Variants in RBM6 observed in about 807,000 individuals in gnomAD.
The protein encoded by RBM6 is RNA binding motif protein 6.
RBM6 carries 23 observed loss-of-function variants against 140.4 expected under a neutral mutation model. The observed-to-expected ratio is 0.16, with a 90% CI of 0.12 to 0.23. The LOEUF is 0.23. Among genes scored for constraint, RBM6 ranks in the 10% least tolerant of loss-of-function variants. The pLI is 1.00. For missense variants in RBM6, 1,139 were observed against 1,386.7 expected, an observed-to-expected ratio of 0.82 and a Z score of 2.84; for synonymous variants, 439 against 475.6, an observed-to-expected ratio of 0.92 and a Z score of 1.00.
intron 5 of RBM6, among the ~76,000 whole-genome samples, chr3:49,988,514 G>A (rs189760914): frequency 1.3e-5 from 2 of 151,724 alleles, no homozygotes; most frequent in South Asian, 2.1e-4. Context: ...GATATTCCTC[G>A]ACTTGATCTA....
intron 1 of RBM6, among the ~76,000 whole-genome samples, chr3:49,949,281 T>G (rs1341300771): frequency 2.0e-5 from 3 of 152,130 alleles, no homozygotes; most frequent in Non-Finnish European, 4.4e-5. Context: ...TTCTTTTTAC[T>G]TACCTCCCCC....
At chr3:50,021,070 A>G (rs1220963235) in intron 6 of RBM6, among the ~76,000 whole-genome samples, 2 of 152,130 alleles carry the variant, frequency 1.3e-5, no homozygotes, top group African/African-American at 4.8e-5. Flanking sequence ...CTGAGAGCAT[A>G]TATTATTTTT....
At chr3:50,070,345 ACT>A (rs1425502580) in intron 18 of RBM6, 108 bp from the exon 19 acceptor site, 34 of 800,028 alleles carry the variant, frequency 4.2e-5, no homozygotes, top group Middle Eastern at 3.2e-4. Context: ...ACAGAGTGAG[ACT>A]CTGTCTCAAG....
intron 6 of RBM6, among the ~76,000 whole-genome samples, chr3:50,022,477 C>A (rs2087546974): frequency 6.6e-6 from 1 of 151,894 alleles, no homozygotes; most frequent in South Asian, 2.1e-4. Context: ...ATTATAGGCT[C>A]ATGTCACCAC....
chr3:49,968,770 CTTTTTTTTTT>C (rs569224640), intron 3 of RBM6, 22 bp downstream of exon 3: 208,108 of 694,636 alleles, frequency 0.3, 6,527 homozygotes, highest in Non-Finnish European at 0.33. Context: ...GGGTGGATTG[CTTTTTTTTTT>C]TTTTTTTTTT....
chr3:50,059,888 T>C, intron 11 of RBM6, 142 bp downstream of exon 11: 1 of 588,256 alleles, frequency 1.7e-6, no homozygotes, highest in Non-Finnish European at 2.9e-6. Flanking sequence ...TACAGTTTCT[T>C]TCTGAAGCCT....
chr3:49,971,724 A>T (rs543218613), intron 3 of RBM6, among the ~76,000 whole-genome samples: 1 of 152,036 alleles, frequency 6.6e-6, no homozygotes, highest in East Asian at 2.0e-4. Flanking sequence ...TTTAGTAGAG[A>T]CGGTTTTACC....
At chr3:50,019,015 G>C (rs1299488816) in intron 6 of RBM6, among the ~76,000 whole-genome samples, 1 of 151,788 alleles carries the variant, frequency 6.6e-6, no homozygotes, top group Admixed American at 6.6e-5. Flanking sequence ...CATTTGGATG[G>C]TAGCCATTTT....
intron 5 of RBM6, among the ~76,000 whole-genome samples, chr3:49,978,388 T>TCCTG (rs1238192646): frequency 1.1e-4 from 17 of 152,162 alleles, no homozygotes; most frequent in Non-Finnish European, 2.9e-5. Flanking sequence ...TGGATATTGC[T>TCCTG]CATAAGAGGG....
At chr3:49,956,462 G>A (rs1180010542) in intron 1 of RBM6, among the ~76,000 whole-genome samples, 1 of 146,166 alleles carries the variant, frequency 6.8e-6, no homozygotes, top group Non-Finnish European at 1.5e-5. Context: ...TGCCTCCCAA[G>A]TAGCTGGGAT....
chr3:50,032,468 G>A (rs1440245647), intron 6 of RBM6, among the ~76,000 whole-genome samples: 1 of 144,100 alleles, frequency 6.9e-6, no homozygotes, highest in African/African-American at 2.6e-5. Flanking sequence ...TGGCAACAGG[G>A]CGAGACTCCA....
intron 6 of RBM6, chr3:50,047,311 CAG>C (rs1358137669): frequency 2.0e-6 from 2 of 985,268 alleles, no homozygotes; most frequent in Non-Finnish European, 2.4e-6. Context: ...GGGCTAGTTC[CAG>C]AGTCGCATTC....
At chr3:50,051,831 G>T (rs540073551) in intron 7 of RBM6, among the ~76,000 whole-genome samples, 4 of 152,154 alleles carry the variant, frequency 2.6e-5, no homozygotes, top group Admixed American at 6.5e-5. Flanking sequence ...CAATGAAAAG[G>T]AATGAAGTAC....
chr3:49,994,118 C>T (rs2085958070), intron 5 of RBM6, among the ~76,000 whole-genome samples: 1 of 152,196 alleles, frequency 6.6e-6, no homozygotes, highest in Non-Finnish European at 1.5e-5. Flanking sequence ...GGCTGGAGTG[C>T]AGTAGGCCAG....
intron 5 of RBM6, among the ~76,000 whole-genome samples, chr3:49,991,102 C>G (rs1052690477): frequency 6.6e-6 from 1 of 152,178 alleles, no homozygotes; most frequent in African/African-American, 2.4e-5. Context: ...GATTTGATAA[C>G]TTTCTAATAT....
At chr3:50,055,114 G>A (rs959064219) in intron 8 of RBM6, among the ~76,000 whole-genome samples, 4 of 152,148 alleles carry the variant, frequency 2.6e-5, no homozygotes, top group Admixed American at 1.3e-4. Context: ...GAACCACCAC[G>A]ACCGGCCCAA....
At position 50,054,404 on chromosome 3, in the gene RBM6, C is replaced by T. The variant is rs759019157; in HGVS notation, c.1693+9C>T. 1.2e-6 allele frequency: 2 copies of T among 1,606,466 alleles called. No individual in the cohort carries two copies. Among genetic ancestry groups the T allele is most frequent in the Non-Finnish European group, 8.5e-7 (1 of 1,173,180 alleles). The stretch of plus-strand genomic sequence containing the variant: ...CAAGAACCCAAGAGAAGGTGAGTGG[C>T]GAAAGTGGTAGCAGTTTTTATCTCG... On this transcript the variant is annotated intron_variant, in intron 8 of 20. Coordinates refer to ENST00000266022, the MANE Select transcript of RBM6 (RefSeq NM_005777.3).
At chr3:50,036,342 G>A (rs2088537154) in intron 6 of RBM6, among the ~76,000 whole-genome samples, 1 of 152,168 alleles carries the variant, frequency 6.6e-6, no homozygotes, top group Admixed American at 6.5e-5. Context: ...AGGCATACAG[G>A]TCTGATCAGG....
intron 1 of RBM6, 127 bp from the exon 2 acceptor site, chr3:49,962,440 AAAAGAAAAG>A (rs1041065232): frequency 2.8e-5 from 16 of 564,858 alleles, no homozygotes; most frequent in Admixed American, 2.8e-4. Context: ...TCAAAAAAAA[AAAAGAAAAG>A]AAAGAAAAGA....
Sources: allele counts gnomAD v4.1 joint callset (sites outside exome capture counted in the v4.1 genomes callset), GRCh38; gene constraint gnomAD v4.1.1; transcripts MANE v1.5; gene names NCBI Gene and HGNC (gene_info 2026-07-23, HGNC 2026-07-21).